Variants in MANBA observed in about 807,000 individuals in gnomAD.
MANBA encodes beta-mannosidase.
A neutral mutation model predicts 111.1 loss-of-function variants in MANBA; 83 were observed. That is an observed-to-expected ratio of 0.75 (90% CI 0.63 to 0.90). The LOEUF is 0.90. Ranked by LOEUF, MANBA falls within the 40% of genes least tolerant of loss-of-function variation. MANBA has a pLI of 0.00. For missense variants in MANBA, 1,036 were observed against 1,069.0 expected (o/e 0.97, Z 0.43); for synonymous variants, 370 against 378.7 (o/e 0.98, Z 0.27).
At chr4:102,700,881 G>C (rs1732999265) in intron 5 of MANBA, among the ~76,000 whole-genome samples, 1 of 152,010 alleles carries the variant, frequency 6.6e-6, no homozygotes, top group Non-Finnish European at 1.5e-5. Flanking sequence ...AGGTCCGCTT[G>C]GTGCAGAGCT....
At chr4:102,757,431 A>C (rs1384690663) in intron 1 of MANBA, among the ~76,000 whole-genome samples, 1 of 152,182 alleles carries the variant, frequency 6.6e-6, no homozygotes, top group Non-Finnish European at 1.5e-5. Flanking sequence ...AAACCCAGAG[A>C]ATCACCTAGG....
Position 102,760,756 on chromosome 4 carries a change from A to T in MANBA, c.139T>A (p.Cys47Ser). 1 of 1,548,614 alleles carries T rather than the reference A, an allele frequency of 6.5e-7. No homozygotes were observed. Among genetic ancestry groups the T allele is most frequent in the Non-Finnish European group, 8.7e-7 (1 of 1,146,290 alleles). ...TGCTGGAACAAGGCGCTGTGCACGC[A>T]GCCAGGGACCGCCCCGGGCAGCTCC... ...SLELPGAVPG[C>S]VHSALFQQGL... The change falls in exon 1 of 17, where the codon TGC becomes AGC. Residue 47 changes from cysteine (C) to serine (S), a missense_variant. By Grantham distance (112) the Cys-to-Ser change is moderately radical. Transcript: ENST00000647097.
At chr4:102,730,034 GA>G in intron 1 of MANBA, 3 of 804,504 alleles carry the variant, frequency 3.7e-6, no homozygotes, top group Non-Finnish European at 4.1e-6. Context: ...GACAACCTTG[GA>G]AGCTGCTGCT....
intron 14 of MANBA, among the ~76,000 whole-genome samples, chr4:102,636,505 GTA>G (rs1014111721): frequency 6.6e-6 from 1 of 152,186 alleles, no homozygotes; most frequent in African/African-American, 2.4e-5. Flanking sequence ...GTGCATGACT[GTA>G]TATAATAACT....
chr4:102,704,443 T>G (rs1361014067), intron 5 of MANBA, among the ~76,000 whole-genome samples: 1 of 152,170 alleles, frequency 6.6e-6, no homozygotes, highest in Non-Finnish European at 1.5e-5. Flanking sequence ...CGCTAAAGAT[T>G]ACAAGCATGA....
Position 102,650,526 on chromosome 4 carries a change from A to G in MANBA, c.1869+11T>C. 1.2e-6 allele frequency: 2 copies of G among 1,606,936 alleles called. No homozygotes were observed. On this transcript the variant is annotated intron_variant, in intron 13 of 16. Transcript: ENST00000647097. The stretch of plus-strand genomic sequence containing the variant: ...AGGAACCTGTTCAATTCTAGAATGA[A>G]AACAACTTACCTGAGTAAGGTAGAT...
chr4:102,690,571 CT>C (rs1294230078), intron 6 of MANBA, 24 bp downstream of exon 6: 6 of 1,601,052 alleles, frequency 3.7e-6, no homozygotes, highest in Non-Finnish European at 5.1e-6. Flanking sequence ...TCATCCAGTG[CT>C]TCTCAGGAAG....
At chr4:102,657,468 T>C (rs1730615025) in intron 12 of MANBA, among the ~76,000 whole-genome samples, 1 of 152,208 alleles carries the variant, frequency 6.6e-6, no homozygotes, top group Non-Finnish European at 1.5e-5. Context: ...CTGGGTCCCA[T>C]TCAGTGCTTT....
intron 7 of MANBA, among the ~76,000 whole-genome samples, chr4:102,684,476 T>C (rs1159837025): frequency 6.6e-6 from 1 of 152,188 alleles, no homozygotes; most frequent in Non-Finnish European, 1.5e-5. Context: ...GTTGGGGGCA[T>C]ATGTGCTCCG....
At chr4:102,751,952 G>A in intron 1 of MANBA, 1 of 692,226 alleles carries the variant, frequency 1.4e-6, no homozygotes, top group Non-Finnish European at 2.8e-6. Flanking sequence ...CGACCGTGCT[G>A]CAGAGGTCAT....
At position 102,642,195 on chromosome 4, in the gene MANBA, C is replaced by T. The variant is rs568909947; in HGVS notation, c.1870-2338G>A. Among the ~76,000 whole-genome samples, 15 of 152,314 alleles carry T rather than the reference C, an allele frequency of 9.8e-5. No individual in the cohort carries two copies. In the South Asian group the frequency reaches 3.1e-3, roughly 32 times the overall value. On this transcript the variant is annotated intron_variant, in intron 13 of 16. Coordinates refer to ENST00000647097, the MANE Select transcript of MANBA (RefSeq NM_005908.4). ...CCTTTAAAAACTGTACCTATATTTACACATCCATGCATCCTTTCCTAAAAA... is the reference window on the plus strand; with the variant it reads ...CCTTTAAAAACTGTACCTATATTTATACATCCATGCATCCTTTCCTAAAAA...
intron 13 of MANBA, among the ~76,000 whole-genome samples, chr4:102,642,689 T>C (rs1261466622): frequency 6.6e-6 from 1 of 152,168 alleles, no homozygotes; most frequent in Admixed American, 6.5e-5. Context: ...GAGAGACAGA[T>C]GGTATGGTGA....
intron 5 of MANBA, among the ~76,000 whole-genome samples, chr4:102,709,294 G>T (rs1721916489): frequency 8.6e-6 from 1 of 115,776 alleles, no homozygotes; most frequent in African/African-American, 4.8e-5. Flanking sequence ...AAGGAAGGAA[G>T]GAAGGAAGGA....
At chr4:102,679,940 AT>A (rs1450920229) in intron 7 of MANBA, among the ~76,000 whole-genome samples, 1 of 151,980 alleles carries the variant, frequency 6.6e-6, no homozygotes, top group Non-Finnish European at 1.5e-5. Context: ...AAAAAAAAAA[AT>A]CCCACTTCTC....
intron 1 of MANBA, chr4:102,752,352 G>C (rs1723840802): frequency 1.5e-6 from 2 of 1,364,140 alleles, no homozygotes; most frequent in Non-Finnish European, 2.1e-6. Flanking sequence ...CCAGACTGTG[G>C]GATCCCCGAA....
intron 10 of MANBA, chr4:102,667,253 G>A (rs927885080): frequency 2.0e-5 from 3 of 152,152 alleles, no homozygotes. Flanking sequence ...TATTGAAAGA[G>A]ACCAATGCTA....
At chr4:102,656,002 C>G (rs1730541805) in intron 12 of MANBA, among the ~76,000 whole-genome samples, 1 of 151,988 alleles carries the variant, frequency 6.6e-6, no homozygotes, top group Admixed American at 6.5e-5. Flanking sequence ...CCTGTAAGCC[C>G]AGCACTTTGG....
chr4:102,638,731 C>T (rs964903417), intron 14 of MANBA, among the ~76,000 whole-genome samples: 1 of 152,158 alleles, frequency 6.6e-6, no homozygotes, highest in South Asian at 2.1e-4. Context: ...GCTCTCTTAT[C>T]TGGTTGGTGC....
At chr4:102,710,137 T>C (rs1018287260) in intron 5 of MANBA, among the ~76,000 whole-genome samples, 6 of 151,886 alleles carry the variant, frequency 4.0e-5, no homozygotes, top group African/African-American at 7.3e-5. Context: ...TCCTATCCAA[T>C]AAAATGCTGG....
Sources: gnomAD v4.1 joint callset for allele counts (sites outside exome capture counted in the v4.1 genomes callset) on GRCh38, gnomAD v4.1.1 for gene constraint, MANE v1.5 for transcripts, NCBI Gene and HGNC (gene_info 2026-07-23, HGNC 2026-07-21) for gene names.